Variants in KCNIP4 observed in about 807,000 individuals in gnomAD.
KCNIP4 encodes the protein potassium voltage-gated channel interacting protein 4.
In KCNIP4, 12 loss-of-function variants were observed where a neutral mutation model predicts 34.0. That is an observed-to-expected ratio of 0.35 (90% CI 0.23 to 0.57). KCNIP4 has a LOEUF of 0.57. Ranked by LOEUF, KCNIP4 falls within the 20% of genes least tolerant of loss-of-function variation. The probability of loss-of-function intolerance (pLI) is 0.83; values close to 1 mark genes in which losing one functional copy is unlikely to be tolerated. For missense variants in KCNIP4, 238 were observed against 311.7 expected (o/e 0.76, Z 1.78); for synonymous variants, 124 against 102.2 (o/e 1.21, Z -1.29).
At chr4:21,394,009 C>T (rs540936509) in intron 1 of KCNIP4, among the ~76,000 whole-genome samples, 3 of 152,098 alleles carry the variant, frequency 2.0e-5, no homozygotes, top group African/African-American at 4.8e-5. Context: ...TTGCCTACTG[C>T]GTGAAGTGTT....
chr4:21,305,490 C>T (rs1207932121), intron 1 of KCNIP4, among the ~76,000 whole-genome samples: 2 of 152,232 alleles, frequency 1.3e-5, no homozygotes, highest in African/African-American at 2.4e-5. Flanking sequence ...TGTCTCCATG[C>T]TCTACTCAGA....
intron 1 of KCNIP4, among the ~76,000 whole-genome samples, chr4:21,787,732 G>C (rs945213214): frequency 6.6e-6 from 1 of 152,042 alleles, no homozygotes; most frequent in Non-Finnish European, 1.5e-5. Context: ...GGCAGATCTT[G>C]TATTTTAAAA....
chr4:21,055,234 T>C (rs1743299648), intron 1 of KCNIP4, among the ~76,000 whole-genome samples: 1 of 152,184 alleles, frequency 6.6e-6, no homozygotes. Flanking sequence ...TAGAAATGTA[T>C]TTGAATTGCC....
At position 21,667,322 on chromosome 4, in the gene KCNIP4, A is replaced by C. The variant is rs936086039; in HGVS notation, c.61+281249T>G. 2.0e-5 allele frequency among the ~76,000 whole-genome samples: 3 copies of C among 152,150 alleles called. No individual in the cohort carries two copies. The East Asian group carries it at 5.8e-4, about 29-fold the overall frequency. On this transcript the variant is annotated intron_variant, in intron 1 of 8. Coordinates refer to ENST00000382152, the MANE Select transcript of KCNIP4 (RefSeq NM_025221.6). ...CCCAACCACCTCTATTCTTGATTTC[A>C]CATGTCCGTTAATTCAAAAACCATG...
chr4:21,894,239 G>A (rs1727258998), intron 1 of KCNIP4, among the ~76,000 whole-genome samples: 1 of 152,056 alleles, frequency 6.6e-6, no homozygotes, highest in Admixed American at 6.6e-5. Context: ...GGGAAGCTGA[G>A]GCAGGAGGAT....
rs570006711 is a variant in KCNIP4 at position 21,338,345 on chromosome 4, T to C, written c.62-455636A>G. Among the ~76,000 whole-genome samples the C allele has an allele frequency of 5.3e-5, 8 of 151,206 alleles. No individual in the cohort carries two copies. The South Asian group carries it at 1.7e-3, about 32-fold the overall frequency. ...CTCAAGAGACTTACTTAAGTCCCAC[T>C]GGCTATACATTGTGACATGGGAACC... On this transcript the variant is annotated intron_variant, in intron 1 of 8. Coordinates refer to ENST00000382152, the MANE Select transcript of KCNIP4 (RefSeq NM_025221.6).
chr4:21,854,845 C>A (rs1203221695), intron 1 of KCNIP4, among the ~76,000 whole-genome samples: 1 of 152,142 alleles, frequency 6.6e-6, no homozygotes, highest in Non-Finnish European at 1.5e-5. Context: ...GCTAATACAA[C>A]ATTTGTTCTA....
intron 1 of KCNIP4, among the ~76,000 whole-genome samples, chr4:21,468,811 T>G (rs1730211578): frequency 6.6e-6 from 1 of 152,176 alleles, no homozygotes; most frequent in Non-Finnish European, 1.5e-5. Context: ...GTTTCGCTTT[T>G]TTGCTAGCGC....
intron 3 of KCNIP4, among the ~76,000 whole-genome samples, chr4:20,815,068 A>G (rs548659393): frequency 3.5e-4 from 54 of 152,298 alleles, no homozygotes; most frequent in Admixed American, 2.6e-3. Flanking sequence ...GGTAGTTAAA[A>G]TGATTATTAT....
chr4:21,929,779 C>T (rs1337233122), intron 1 of KCNIP4, among the ~76,000 whole-genome samples: 1 of 152,178 alleles, frequency 6.6e-6, no homozygotes, highest in East Asian at 1.9e-4. Context: ...ATTGCTTCAA[C>T]TCCTAACTGC....
At chr4:21,251,821 A>G (rs866901698) in intron 1 of KCNIP4, among the ~76,000 whole-genome samples, 3 of 140,730 alleles carry the variant, frequency 2.1e-5, no homozygotes, top group Middle Eastern at 3.3e-3. Context: ...ATGAGAACAC[A>G]TGGACACAGG....
intron 1 of KCNIP4, among the ~76,000 whole-genome samples, chr4:20,953,246 T>C (rs1732965571): frequency 6.6e-6 from 1 of 152,214 alleles, no homozygotes; most frequent in South Asian, 2.1e-4. Context: ...TGTGTCTCTC[T>C]TCAGGGAACC....
chr4:21,790,780 C>T (rs925034810), intron 1 of KCNIP4, among the ~76,000 whole-genome samples: 6 of 151,738 alleles, frequency 4.0e-5, no homozygotes, highest in African/African-American at 1.5e-4. Flanking sequence ...GTGGAATGAC[C>T]GATTTGCACA....
intron 1 of KCNIP4, among the ~76,000 whole-genome samples, chr4:21,481,315 G>C (rs13145622): frequency 0.12 from 19,016 of 152,170 alleles, 1,353 homozygotes; most frequent in South Asian, 0.21. Flanking sequence ...GAAAAGGTGA[G>C]TCCCTCACAA....
chr4:20,802,264 C>CTATATATATGCTATATATATATGCAA (rs1714414652), intron 3 of KCNIP4, among the ~76,000 whole-genome samples: 3 of 88,542 alleles, frequency 3.4e-5, no homozygotes, highest in African/African-American at 7.2e-5. Flanking sequence ...TACATATATG[C>CTATATATATGCTATATATATATGCAA]TATATATATG....
At chr4:21,776,393 C>T (rs764672099) in intron 1 of KCNIP4, among the ~76,000 whole-genome samples, 2 of 152,048 alleles carry the variant, frequency 1.3e-5, no homozygotes, top group Non-Finnish European at 2.9e-5. Context: ...CTTGGCCCCG[C>T]CCCAGAAGTT....
intron 1 of KCNIP4, among the ~76,000 whole-genome samples, chr4:21,912,834 T>G (rs1274847389): frequency 6.7e-6 from 1 of 149,764 alleles, no homozygotes; most frequent in African/African-American, 2.4e-5. Flanking sequence ...TAACATAATA[T>G]AATATACAGA....
At chr4:21,532,905 T>C (rs185345914) in intron 1 of KCNIP4, among the ~76,000 whole-genome samples, 6 of 150,856 alleles carry the variant, frequency 4.0e-5, no homozygotes, top group Admixed American at 3.3e-4. Flanking sequence ...AAATAGCTTT[T>C]ATTCCTTTTC....
intron 3 of KCNIP4, among the ~76,000 whole-genome samples, chr4:20,769,562 A>G (rs991105963): frequency 2.8e-4 from 42 of 152,340 alleles, no homozygotes; most frequent in African/African-American, 8.9e-4. Flanking sequence ...CCTATGTATC[A>G]GTTTTCTATT....
Sources: allele counts gnomAD v4.1 joint callset (sites outside exome capture counted in the v4.1 genomes callset), GRCh38; gene constraint gnomAD v4.1.1; transcripts MANE v1.5; gene names NCBI Gene and HGNC (gene_info 2026-07-23, HGNC 2026-07-21).